The following ADAMTS12 variants were observed in gnomAD, a reference collection of about 807,000 sequenced individuals.
The protein encoded by ADAMTS12 is ADAM metallopeptidase with thrombospondin type 1 motif 12.
ADAMTS12 carries 118 observed loss-of-function variants against 167.8 expected under a neutral mutation model. That is an observed-to-expected ratio of 0.70 (90% CI 0.61 to 0.82). The LOEUF is 0.82. Among genes scored for constraint, ADAMTS12 ranks in the 40% least tolerant of loss-of-function variants. The pLI, the probability that ADAMTS12 is intolerant of heterozygous loss-of-function variation, is 0.00. For synonymous variants in ADAMTS12, 704 were observed against 716.9 expected, an observed-to-expected ratio of 0.98 and a Z score of 0.29; for missense variants, 1,916 against 1,998.8, an observed-to-expected ratio of 0.96 and a Z score of 0.79.
At chr5:33,724,195 C>CT (rs1418424964) in intron 3 of ADAMTS12, among the ~76,000 whole-genome samples, 1 of 152,016 alleles carries the variant, frequency 6.6e-6, no homozygotes, top group East Asian at 1.9e-4. Context: ...ATTTTGAGCC[C>CT]TTTTTAAAAC....
intron 16 of ADAMTS12, among the ~76,000 whole-genome samples, chr5:33,607,292 G>T (rs6873693): frequency 0.58 from 87,886 of 151,622 alleles, 25,732 homozygotes; most frequent in East Asian, 0.82. Flanking sequence ...AGATAAAAAT[G>T]TTCTCATTAC....
Position 33,834,575 on chromosome 5 carries a change from G to A in ADAMTS12, c.489+46544C>T, listed in dbSNP as rs915695310. ...TCTATGAACTCTTAGCTTGCATTCC[G>A]AAAGGCCAGGAGCCCTGCCCTTCTC... is the stretch of plus-strand genomic sequence containing the variant. On this transcript the variant is annotated intron_variant, in intron 2 of 23. Transcript: ENST00000504830. Among the ~76,000 whole-genome samples, 28 of 152,166 alleles carry A rather than the reference G, an allele frequency of 1.8e-4. 1 individual carries two copies. The highest frequency in any genetic ancestry group is 6.7e-4 in the African/African-American group (28 of 41,514).
chr5:33,775,517 G>T (rs889437277), intron 2 of ADAMTS12, among the ~76,000 whole-genome samples: 1 of 152,206 alleles, frequency 6.6e-6, no homozygotes, highest in African/African-American at 2.4e-5. Context: ...TGTCTGGAGA[G>T]TGATATGAAC....
chr5:33,578,283 C>T (rs2111971870), intron 18 of ADAMTS12, among the ~76,000 whole-genome samples: 1 of 152,310 alleles, frequency 6.6e-6, no homozygotes, highest in South Asian at 2.1e-4. Context: ...TACATGACGT[C>T]CCTATGAGAT....
intron 16 of ADAMTS12, among the ~76,000 whole-genome samples, chr5:33,601,307 T>C (rs1738177231): frequency 6.6e-6 from 1 of 152,158 alleles, no homozygotes; most frequent in Admixed American, 6.6e-5. Flanking sequence ...TATAGGGTTG[T>C]TGTGAGGACA....
intron 3 of ADAMTS12, among the ~76,000 whole-genome samples, chr5:33,721,785 T>G (rs891215388): frequency 2.6e-5 from 4 of 152,212 alleles, no homozygotes; most frequent in African/African-American, 9.6e-5. Context: ...CTTCCTTTAT[T>G]TGTTTTCAAG....
At chr5:33,707,057 A>T (rs1009082299) in intron 3 of ADAMTS12, among the ~76,000 whole-genome samples, 3 of 152,184 alleles carry the variant, frequency 2.0e-5, no homozygotes, top group Non-Finnish European at 2.9e-5. Flanking sequence ...AGAAAACCCC[A>T]TCATCTCAGC....
At chr5:33,624,386 GC>G in intron 13 of ADAMTS12, 35 bp from the exon 14 acceptor site, 1 of 1,612,974 alleles carries the variant, frequency 6.2e-7, no homozygotes, top group Non-Finnish European at 8.5e-7. Flanking sequence ...GAATGCCCAG[GC>G]AGGGGATGCC....
At chr5:33,773,926 T>C (rs949165046) in intron 2 of ADAMTS12, among the ~76,000 whole-genome samples, 2 of 152,160 alleles carry the variant, frequency 1.3e-5, no homozygotes, top group East Asian at 1.9e-4. Flanking sequence ...GAATCCACTA[T>C]TAGGTTGGTG....
At chr5:33,850,169 C>T (rs567343347) in intron 2 of ADAMTS12, among the ~76,000 whole-genome samples, 2 of 152,238 alleles carry the variant, frequency 1.3e-5, no homozygotes, top group East Asian at 3.9e-4. Flanking sequence ...CCCACCCTTA[C>T]CACGAGCGTC....
At chr5:33,556,470 TG>T (rs771946597) in intron 20 of ADAMTS12, among the ~76,000 whole-genome samples, 9 of 152,182 alleles carry the variant, frequency 5.9e-5, no homozygotes, top group Non-Finnish European at 1.3e-4. Flanking sequence ...TCCTCTGTCA[TG>T]TTGTAAGGAA....
At chr5:33,766,736 A>G (rs892244197) in intron 2 of ADAMTS12, among the ~76,000 whole-genome samples, 2 of 152,150 alleles carry the variant, frequency 1.3e-5, no homozygotes, top group Non-Finnish European at 2.9e-5. Context: ...AATTTACAGA[A>G]AGTTGATCCC....
intron 2 of ADAMTS12, among the ~76,000 whole-genome samples, chr5:33,783,342 G>A (rs1579932086): frequency 6.6e-6 from 1 of 151,178 alleles, no homozygotes; most frequent in African/African-American, 2.4e-5. Flanking sequence ...CATTAAAAAG[G>A]GACCAAATAA....
At chr5:33,566,184 A>C (rs968328705) in intron 19 of ADAMTS12, among the ~76,000 whole-genome samples, 5 of 152,180 alleles carry the variant, frequency 3.3e-5, no homozygotes, top group African/African-American at 9.7e-5. Flanking sequence ...CAAAACCCAA[A>C]TTGAATAGTG....
At chr5:33,610,447 G>C (rs867588332) in intron 16 of ADAMTS12, among the ~76,000 whole-genome samples, 1 of 152,080 alleles carries the variant, frequency 6.6e-6, no homozygotes, top group South Asian at 2.1e-4. Flanking sequence ...GAACTACCTC[G>C]AGCAGGTAGT....
At chr5:33,671,808 C>T (rs549074748) in intron 5 of ADAMTS12, among the ~76,000 whole-genome samples, 2 of 146,264 alleles carry the variant, frequency 1.4e-5, no homozygotes, top group Non-Finnish European at 3.0e-5. Context: ...CCACACACAT[C>T]CATATACTCA....
chr5:33,737,616 T>TGGAATTAAGCATA (rs1231154546), intron 3 of ADAMTS12, among the ~76,000 whole-genome samples: 5 of 152,214 alleles, frequency 3.3e-5, no homozygotes, highest in Non-Finnish European at 7.3e-5. Flanking sequence ...TTAATTCATA[T>TGGAATTAAGCATA]ATTCTATGCT....
At chr5:33,539,536 C>A (rs1041877047) in intron 22 of ADAMTS12, among the ~76,000 whole-genome samples, 1 of 152,162 alleles carries the variant, frequency 6.6e-6, no homozygotes, top group Non-Finnish European at 1.5e-5. Flanking sequence ...TCTGGAATAA[C>A]TTTGATATTT....
intron 2 of ADAMTS12, among the ~76,000 whole-genome samples, chr5:33,818,570 T>A (rs116466283): frequency 5.2e-4 from 76 of 145,390 alleles, no homozygotes; most frequent in African/African-American, 1.7e-3. Flanking sequence ...GGTGGTGATT[T>A]CCTCTCTTTG....
Sources: gnomAD v4.1 joint callset for allele counts (sites outside exome capture counted in the v4.1 genomes callset) on GRCh38, gnomAD v4.1.1 for gene constraint, MANE v1.5 for transcripts, NCBI Gene and HGNC (gene_info 2026-07-23, HGNC 2026-07-21) for gene names.